Variants in NOL4 observed in about 807,000 individuals in gnomAD.
The protein encoded by NOL4 is nucleolar protein 4.
Under a neutral mutation model 75.9 loss-of-function variants are expected in NOL4, and 17 were observed. The observed-to-expected ratio is 0.22, with a 90% confidence interval of 0.15 to 0.34. The LOEUF is 0.34. Ranked by LOEUF, NOL4 falls within the 10% of genes least tolerant of loss-of-function variation. NOL4 has a pLI of 1.00. For missense variants in NOL4, 614 were observed against 793.5 expected (o/e 0.77, Z 2.72); for synonymous variants, 292 against 289.9 (o/e 1.01, Z -0.07).
At chr18:33,868,592 GTTGC>G (rs2063542640) in intron 10 of NOL4, among the ~76,000 whole-genome samples, 1 of 151,116 alleles carries the variant, frequency 6.6e-6, no homozygotes, top group South Asian at 2.1e-4. Context: ...TTTAATAGGA[GTTGC>G]TTTTTGTTCT....
intron 6 of NOL4, among the ~76,000 whole-genome samples, chr18:33,987,733 G>C (rs1291964519): frequency 6.6e-6 from 1 of 152,060 alleles, no homozygotes; most frequent in East Asian, 1.9e-4. Context: ...TAGGTCTCCT[G>C]AATCTAAACA....
intron 6 of NOL4, among the ~76,000 whole-genome samples, chr18:34,009,808 T>TA (rs1476908861): frequency 6.6e-6 from 1 of 151,966 alleles, no homozygotes; most frequent in Admixed American, 6.6e-5. Flanking sequence ...ATTTGTAGTT[T>TA]AAATACAAAT....
Position 33,908,317 on chromosome 18 carries a change from G to A in NOL4, c.1543-24893C>T, listed in dbSNP as rs574727753. Among the ~76,000 whole-genome samples the A allele has an allele frequency of 4.6e-5, 7 of 152,238 alleles. No homozygotes were observed. The South Asian group carries it at 1.5e-3, about 32-fold the overall frequency. ...CTTTTCGAGCAAGTAGAAAAACTTG[G>A]ACTGATGATGTGATTTCAACACTGA... On this transcript the variant is annotated intron_variant, in intron 9 of 10. Coordinates refer to ENST00000261592, the MANE Select transcript of NOL4 (RefSeq NM_003787.5).
At chr18:34,200,226 G>C (rs1401727955) in intron 1 of NOL4, among the ~76,000 whole-genome samples, 5 of 151,878 alleles carry the variant, frequency 3.3e-5, no homozygotes, top group African/African-American at 1.2e-4. Flanking sequence ...TGGACCACAA[G>C]CCCTGTTGAC....
At chr18:34,214,136 AAT>A (rs750359466) in intron 1 of NOL4, among the ~76,000 whole-genome samples, 14 of 152,310 alleles carry the variant, frequency 9.2e-5, no homozygotes, top group Non-Finnish European at 1.8e-4. Context: ...TAAAGTCTTA[AAT>A]TCAATGTTCT....
intron 6 of NOL4, among the ~76,000 whole-genome samples, chr18:34,008,119 T>G (rs1193662547): frequency 6.6e-6 from 1 of 151,974 alleles, no homozygotes; most frequent in Non-Finnish European, 1.5e-5. Flanking sequence ...AAAGGGCAAG[T>G]CCACTCCATT....
chr18:34,057,461 C>A (rs2076878799), intron 5 of NOL4, among the ~76,000 whole-genome samples: 1 of 152,102 alleles, frequency 6.6e-6, no homozygotes, highest in Non-Finnish European at 1.5e-5. Context: ...TTGTCCTGAC[C>A]TGGTCAACAT....
intron 9 of NOL4, among the ~76,000 whole-genome samples, chr18:33,913,443 T>C (rs924617171): frequency 1.3e-5 from 2 of 152,166 alleles, no homozygotes; most frequent in Non-Finnish European, 2.9e-5. Flanking sequence ...ATCCTAACGA[T>C]ACTATATTTC....
chr18:33,926,888 G>A (rs186253110), intron 9 of NOL4, among the ~76,000 whole-genome samples: 47 of 152,224 alleles, frequency 3.1e-4, no homozygotes, highest in African/African-American at 8.4e-4. Context: ...GTGAGCCACC[G>A]GGCCTGGCCA....
At chr18:34,016,334 A>C (rs2074691274) in intron 6 of NOL4, among the ~76,000 whole-genome samples, 1 of 152,008 alleles carries the variant, frequency 6.6e-6, no homozygotes, top group Non-Finnish European at 1.5e-5. Flanking sequence ...TATCCTATTC[A>C]TTCACCAAAA....
Position 34,093,593 on chromosome 18 carries a change from T to C in NOL4, c.644A>G (p.Glu215Gly). ...QLLNSQQDED[E>G]SSIESDEFDM... ...AAATTCATCACTTTCTATTGAACTT[T>C]CATCCTGAAAATAGTTTTAAAATAT... is the stretch of plus-strand genomic sequence containing the variant. Residue 215 changes from glutamate to glycine, a missense_variant, in exon 5 of 11, where the codon GAA (glutamate) becomes GGA (glycine). Glu to Gly is a moderately conservative substitution (Grantham distance 98). Around this residue, in one of 9 missense-constraint regions of NOL4, gnomAD observed 135 missense variants for 220.4 expected, o/e 0.61. Coordinates refer to ENST00000261592, the MANE Select transcript of NOL4 (RefSeq NM_003787.5). 1 of 1,579,268 alleles carries C rather than the reference T, an allele frequency of 6.3e-7. No homozygotes were observed. Among genetic ancestry groups the C allele is most frequent in the Non-Finnish European group, 8.6e-7 (1 of 1,159,078 alleles).
intron 1 of NOL4, among the ~76,000 whole-genome samples, chr18:34,179,076 G>A (rs532195523): frequency 7.9e-5 from 12 of 151,454 alleles, no homozygotes; most frequent in East Asian, 1.9e-4. Context: ...ATTAAACAAC[G>A]TGCTCTCAAA....
At chr18:33,887,550 C>T (rs925749184) in intron 9 of NOL4, among the ~76,000 whole-genome samples, 141 of 151,920 alleles carry the variant, frequency 9.3e-4, no homozygotes, top group Non-Finnish European at 1.2e-3. Context: ...AGGTATTTCT[C>T]CTAATGCTAT....
At chr18:34,092,327 C>G (rs958867998) in intron 5 of NOL4, among the ~76,000 whole-genome samples, 3 of 152,058 alleles carry the variant, frequency 2.0e-5, no homozygotes, top group Non-Finnish European at 4.4e-5. Flanking sequence ...TATTATAGCA[C>G]GTAGCAATTA....
intron 5 of NOL4, among the ~76,000 whole-genome samples, chr18:34,070,230 AC>A (rs2077455207): frequency 6.6e-6 from 1 of 152,092 alleles, no homozygotes; most frequent in South Asian, 2.1e-4. Flanking sequence ...ACGGGGTTTC[AC>A]CATGGTCTCG....
At chr18:33,883,994 T>A (rs1006785138) in intron 9 of NOL4, among the ~76,000 whole-genome samples, 2 of 152,056 alleles carry the variant, frequency 1.3e-5, no homozygotes, top group African/African-American at 4.8e-5. Flanking sequence ...AGGGTTTCCG[T>A]CATGAAAGGG....
intron 3 of NOL4, 32 bp downstream of exon 3, chr18:34,105,017 C>T (rs1347921046): frequency 6.6e-6 from 9 of 1,359,752 alleles, no homozygotes; most frequent in Non-Finnish European, 7.3e-6. Context: ...AATAAAATTA[C>T]TTTAAATCTC....
chr18:34,112,525 C>T (rs2079644961), intron 2 of NOL4, among the ~76,000 whole-genome samples: 2 of 151,360 alleles, frequency 1.3e-5, no homozygotes, highest in Admixed American at 6.6e-5. Flanking sequence ...TTATTCATCC[C>T]CAAAAAAGAA....
At chr18:33,869,652 G>A (rs953480864) in intron 10 of NOL4, among the ~76,000 whole-genome samples, 3 of 151,532 alleles carry the variant, frequency 2.0e-5, no homozygotes, top group Non-Finnish European at 4.4e-5. Flanking sequence ...ATAAACATAA[G>A]ATATTTTTTA....
Sources: allele counts gnomAD v4.1 joint callset (sites outside exome capture counted in the v4.1 genomes callset), GRCh38; gene constraint gnomAD v4.1.1; regional missense constraint gnomAD v4.1.1; transcripts MANE v1.5; gene names NCBI Gene and HGNC (gene_info 2026-07-23, HGNC 2026-07-21).